Variants in COP1 observed in about 807,000 individuals in gnomAD.
COP1 encodes the protein E3 ubiquitin-protein ligase COP1.
In COP1, 24 loss-of-function variants were observed where a neutral mutation model predicts 101.3. That is an observed-to-expected ratio of 0.24 (90% confidence interval 0.17 to 0.33). COP1 has a LOEUF of 0.33. Among genes scored for constraint, COP1 ranks in the 10% least tolerant of loss-of-function variants. The pLI is 1.00. For missense variants in COP1, 663 were observed against 906.2 expected (o/e 0.73, Z 3.45); for synonymous variants, 347 against 341.9 (o/e 1.01, Z -0.17).
chr1:175,991,832 T>G (rs367831566), intron 15 of COP1, among the ~76,000 whole-genome samples: 1 of 152,228 alleles, frequency 6.6e-6, no homozygotes, highest in South Asian at 2.1e-4. Context: ...TTTGTCTCAC[T>G]GAAAAGTCTT....
chr1:175,954,525 G>GT (rs879413711), intron 18 of COP1, among the ~76,000 whole-genome samples: 5 of 151,924 alleles, frequency 3.3e-5, no homozygotes, highest in Admixed American at 6.6e-5. Context: ...AAAAGAAAAT[G>GT]TAAGTTAACA....
intron 15 of COP1, among the ~76,000 whole-genome samples, chr1:176,010,849 A>T (rs1664532902): frequency 6.6e-6 from 1 of 152,200 alleles, no homozygotes; most frequent in African/African-American, 2.4e-5. Flanking sequence ...TTAATACTTG[A>T]CTCTTCATAG....
In COP1 at chr1:175,988,500, G is replaced by T. The variant is rs1657641077; in HGVS notation, c.1848-88C>A. The T allele has an allele frequency of 3.2e-6, 4 of 1,267,414 alleles. No individual in the cohort carries two copies. In the African/African-American group the frequency reaches 5.9e-5, roughly 19 times the overall value. The allele number at this position is 1,267,414 out of a possible 1,614,324, so 78.5% of individuals were successfully genotyped here. A position where few individuals can be genotyped will look rare whatever the true frequency, so the allele number is the denominator to read the frequency against. On this transcript the variant is annotated intron_variant, in intron 16 of 19. Coordinates refer to ENST00000367669, the MANE Select transcript of COP1 (RefSeq NM_022457.7). ...CTAATTAGAGGCAATGCAGTTTGCT[G>T]GTTAAGAATGCAGGCTCTGGAGCCA... is the stretch of plus-strand genomic sequence containing the variant.
chr1:176,116,801 T>C lies in COP1; in HGVS notation c.969-120A>G, dbSNP rs1197452661. On this transcript the variant is annotated intron_variant, in intron 8 of 19. Transcript: ENST00000367669. ...ATTTCTAATTTCTAAGCCAAGAAAA[T>C]ATTTATTGCCAATCATTAGACATCA... 5.7e-6 allele frequency: 4 copies of C among 703,278 alleles called. No homozygotes were observed. In the Admixed American group the frequency reaches 8.3e-5, roughly 15 times the overall value. 43.6% of individuals were successfully genotyped at this position (703,278 alleles called of 1,614,324 possible). A position where few individuals can be genotyped will look rare whatever the true frequency, so the allele number is the denominator to read the frequency against.
At chr1:175,952,357 G>A (rs1159167153) in intron 18 of COP1, among the ~76,000 whole-genome samples, 1 of 150,364 alleles carries the variant, frequency 6.7e-6, no homozygotes, top group African/African-American at 2.4e-5. Context: ...GCGAGGCAGA[G>A]GTTGCAGTGA....
intron 15 of COP1, among the ~76,000 whole-genome samples, chr1:176,025,187 T>C (rs1571759279): frequency 6.6e-6 from 1 of 152,092 alleles, no homozygotes; most frequent in African/African-American, 2.4e-5. Context: ...TTTTCAAAAG[T>C]AGATATTCTA....
At chr1:176,029,908 A>G (rs1385404683) in intron 14 of COP1, among the ~76,000 whole-genome samples, 1 of 152,220 alleles carries the variant, frequency 6.6e-6, no homozygotes, top group African/African-American at 2.4e-5. Flanking sequence ...GCCTTCCCAC[A>G]GTAAACTAAG....
At chr1:175,998,063 T>A (rs1314324256) in intron 15 of COP1, among the ~76,000 whole-genome samples, 76 of 66,698 alleles carry the variant, frequency 1.1e-3, no homozygotes, top group African/African-American at 2.8e-3. Flanking sequence ...AGAGTATAAT[T>A]AAAAAAAAAA....
chr1:176,121,049 T>A (rs906657949), intron 8 of COP1, among the ~76,000 whole-genome samples: 9 of 151,854 alleles, frequency 5.9e-5, no homozygotes, highest in Non-Finnish European at 1.3e-4. Flanking sequence ...TATCATTGAT[T>A]TTTTTTGCTA....
rs7546096 is a variant in COP1 at position 176,095,741 on chromosome 1, G to A, written c.1027-9851C>T. On this transcript the variant is annotated intron_variant, in intron 9 of 19. Transcript: ENST00000367669. The stretch of plus-strand genomic sequence containing the variant: ...TCCTTGTGCTTATGTTTGTACTTGT[G>A]ATACAAAAGCAAAGATCAGTATAAG... Among the ~76,000 whole-genome samples, 1,010 of 151,520 alleles carry A rather than the reference G, an allele frequency of 6.7e-3. 9 individuals carry two copies. Among genetic ancestry groups the A allele is most frequent in the African/African-American group, 0.023 (958 of 41,324 alleles).
rs549888721 is a variant in COP1, at chr1:176,071,173, A to C, written c.1277+9979T>G. Among the ~76,000 whole-genome samples the C allele has an allele frequency of 1.1e-4, 17 of 152,266 alleles. No individual in the cohort carries two copies. In the East Asian group the frequency reaches 2.9e-3, roughly 26 times the overall value. On this transcript the variant is annotated intron_variant, in intron 11 of 19. Transcript: ENST00000367669. ...CATGGCTTGGTGCTATCTTCATGAT[A>C]GTGAATTCTCGCAAGATCTGGTCAT...
chr1:176,033,989 C>T (rs1258249040), intron 14 of COP1, among the ~76,000 whole-genome samples: 2 of 152,078 alleles, frequency 1.3e-5, no homozygotes, highest in East Asian at 1.9e-4. Context: ...CTAAATAATA[C>T]TCTTAAGATG....
Position 176,027,157 on chromosome 1 carries a change from T to C in COP1, c.1729+415A>G, listed in dbSNP as rs922889202. Among the ~76,000 whole-genome samples, 5 of 152,296 alleles carry C rather than the reference T, an allele frequency of 3.3e-5. No individual in the cohort carries two copies. The South Asian group carries it at 1.0e-3, about 32-fold the overall frequency. Reference sequence around the variant, plus strand: ...GTCTTATTCACTGTCCCTAGATGAGTGCTTTGTGCATAGTAGGGACTCAAT... The same window carrying C: ...GTCTTATTCACTGTCCCTAGATGAGCGCTTTGTGCATAGTAGGGACTCAAT... On this transcript the variant is annotated intron_variant, in intron 15 of 19. Coordinates refer to ENST00000367669, the MANE Select transcript of COP1 (RefSeq NM_022457.7).
intron 1 of COP1, among the ~76,000 whole-genome samples, chr1:176,192,330 A>C (rs1463622028): frequency 2.0e-5 from 3 of 152,176 alleles, no homozygotes; most frequent in African/African-American, 4.8e-5. Context: ...TACAGGTGAA[A>C]CAATTAGGAG....
chr1:176,116,015 A>G (rs1686126157), intron 9 of COP1, among the ~76,000 whole-genome samples: 1 of 152,196 alleles, frequency 6.6e-6, no homozygotes, highest in Non-Finnish European at 1.5e-5. Flanking sequence ...AAGATAAACT[A>G]TGTTCTGATT....
intron 3 of COP1, among the ~76,000 whole-genome samples, chr1:176,174,921 GT>G (rs1212686402): frequency 6.6e-6 from 1 of 152,120 alleles, no homozygotes; most frequent in Non-Finnish European, 1.5e-5. Context: ...TCTTAGGGTA[GT>G]TAACATGCAG....
Position 176,136,526 on chromosome 1 carries a change from C to T in COP1, c.853G>A (p.Glu285Lys). 1.2e-6 allele frequency: 2 copies of T among 1,607,334 alleles called. No homozygotes were observed. The highest frequency in any genetic ancestry group is 1.7e-6 in the Non-Finnish European group (2 of 1,176,034). Residue 285 changes from glutamate to lysine, a missense_variant, in exon 7 of 20, where the codon GAG (glutamate) becomes AAG (lysine). Transcript: ENST00000367669. ...KREQLEQIQKELSVLEEDIKR... is the reference protein window; with the variant it reads ...KREQLEQIQKKLSVLEEDIKR... ...ATATCCTCTTCCAAAACACTTAGCT[C>T]CTTCTGGATCTGTTCCAGTTGCTGC... is the stretch of plus-strand genomic sequence containing the variant.
intron 9 of COP1, among the ~76,000 whole-genome samples, chr1:176,086,730 G>A (rs1193475102): frequency 6.6e-6 from 1 of 152,112 alleles, no homozygotes; most frequent in East Asian, 1.9e-4. Context: ...AGCTACCAAT[G>A]ACTTTCTTCA....
intron 18 of COP1, among the ~76,000 whole-genome samples, chr1:175,964,182 G>A (rs1056019602): frequency 2.6e-5 from 4 of 152,130 alleles, no homozygotes; most frequent in African/African-American, 9.7e-5. Context: ...ACTTAATGGT[G>A]ATAGGAGGCA....
Sources: allele counts gnomAD v4.1 joint callset (sites outside exome capture counted in the v4.1 genomes callset), GRCh38; gene constraint gnomAD v4.1.1; transcripts MANE v1.5; gene names NCBI Gene and HGNC (gene_info 2026-07-23, HGNC 2026-07-21).